NDRG1: variants seen among roughly 807,000 people sequenced by gnomAD.
NDRG1 encodes N-myc downstream regulated 1.
A neutral mutation model predicts 56.9 loss-of-function variants in NDRG1; 32 were observed. That is an observed-to-expected ratio of 0.56 (90% CI 0.42 to 0.76). NDRG1 has a LOEUF of 0.76. Among genes scored for constraint, NDRG1 ranks in the 30% least tolerant of loss-of-function variants. The pLI is 0.00. For synonymous variants in NDRG1, 211 were observed against 204.1 expected, an observed-to-expected ratio of 1.03 and a Z score of -0.29; for missense variants, 507 against 545.7, an observed-to-expected ratio of 0.93 and a Z score of 0.71.
rs368561195 is a variant in NDRG1, at chr8:133,259,215, G to A, written c.342C>T (p.Ser114=). 6 of 1,614,068 alleles carry A rather than the reference G, an allele frequency of 3.7e-6. No individual in the cohort carries two copies. The African/African-American group carries it at 6.7e-5, about 18-fold the overall frequency. The change falls in exon 6 of 16, where the codon TCC becomes TCT. Residue 114 remains serine, a synonymous_variant. Coordinates refer to ENST00000323851, the MANE Select transcript of NDRG1 (RefSeq NM_006096.4). ...ASFPAGYMYP[S]MDQLAEMLPG... ...GAAGCATTTCAGCCAGCTGATCCAT[G>A]GAGGGGTACATGTACCTGGGGATGA...
At chr8:133,239,221 A>G in intron 15 of NDRG1, 102 bp from the exon 16 acceptor site, 2 of 1,518,952 alleles carry the variant, frequency 1.3e-6, no homozygotes, top group Non-Finnish European at 1.8e-6. Context: ...TGCCAGCCCC[A>G]GAGAAGACTT....
chr8:133,290,772 C>T (rs1193606123), intron 1 of NDRG1, among the ~76,000 whole-genome samples: 1 of 152,170 alleles, frequency 6.6e-6, no homozygotes, highest in Non-Finnish European at 1.5e-5. Context: ...CTTCACAACA[C>T]CCAGAAGGTT....
intron 1 of NDRG1, among the ~76,000 whole-genome samples, chr8:133,294,594 A>G (rs1858627111): frequency 1.3e-5 from 2 of 151,876 alleles, no homozygotes; most frequent in Admixed American, 6.6e-5. Flanking sequence ...CAGGTCCATG[A>G]GGAGGCAAGT....
chr8:133,282,511 A>T (rs946808136), intron 2 of NDRG1, among the ~76,000 whole-genome samples: 2 of 152,220 alleles, frequency 1.3e-5, no homozygotes, highest in Non-Finnish European at 2.9e-5. Flanking sequence ...AGGGTTTTTT[A>T]AAAGGGAGAA....
rs2130656881 is a variant in NDRG1 at position 133,239,139 on chromosome 8, C to A, written c.944-20G>T. Reference sequence around the variant, plus strand: ...AGGGCACTAGGGGAACAAGAGACAGCCGGTTAGAGGGCAGGAGACTGCCAG... The same window carrying A: ...AGGGCACTAGGGGAACAAGAGACAGACGGTTAGAGGGCAGGAGACTGCCAG... On this transcript the variant is annotated intron_variant, in intron 15 of 15. Transcript: ENST00000323851. The A allele has an allele frequency of 6.4e-6, 10 of 1,551,306 alleles. No individual in the cohort carries two copies. The highest frequency in any genetic ancestry group is 4.4e-6 in the Non-Finnish European group (5 of 1,147,218).
Position 133,246,672 on chromosome 8 carries a change from G to A in NDRG1, c.808-9C>T. On this transcript the variant is annotated splice_polypyrimidine_tract_variant and intron_variant, in intron 12 of 15. Transcript: ENST00000323851. Reference sequence around the variant, plus strand: ...TTTGAGTTGCACTCCACCTGCACAAGAGGGAGGAAATCTGTTAATTTTCTA... The same window carrying A: ...TTTGAGTTGCACTCCACCTGCACAAAAGGGAGGAAATCTGTTAATTTTCTA... 6.2e-7 allele frequency: 1 copy of A among 1,614,064 alleles called. No individual in the cohort carries two copies. Among genetic ancestry groups the A allele is most frequent in the Non-Finnish European group, 8.5e-7 (1 of 1,179,928 alleles).
chr8:133,288,712 G>A lies in NDRG1; in HGVS notation c.-18-4383C>T, dbSNP rs575823172. ...AAGGCAGGGCCACACACAGCATGGCGGGGGAACCAGGGCTGACTCCTAGCC... is the reference window on the plus strand; with the variant it reads ...AAGGCAGGGCCACACACAGCATGGCAGGGGAACCAGGGCTGACTCCTAGCC... On this transcript the variant is annotated intron_variant, in intron 1 of 15. Transcript: ENST00000323851. 6.6e-5 allele frequency among the ~76,000 whole-genome samples: 10 copies of A among 152,322 alleles called. No individual in the cohort carries two copies. The South Asian group carries it at 8.3e-4, about 13-fold the overall frequency.
At chr8:133,252,089 T>C (rs1161233475) in intron 9 of NDRG1, among the ~76,000 whole-genome samples, 1 of 152,112 alleles carries the variant, frequency 6.6e-6, no homozygotes, top group Non-Finnish European at 1.5e-5. Context: ...GAATACACTT[T>C]TGTTTTCCTT....
At chr8:133,248,811 C>A in intron 10 of NDRG1, 40 bp from the exon 11 acceptor site, 3 of 1,612,992 alleles carry the variant, frequency 1.9e-6, no homozygotes, top group Non-Finnish European at 2.5e-6. Flanking sequence ...AGGACCCCTC[C>A]CCTGGAGAAA....
intron 4 of NDRG1, among the ~76,000 whole-genome samples, chr8:133,263,212 C>A (rs1053778082): frequency 6.6e-6 from 1 of 152,114 alleles, no homozygotes; most frequent in African/African-American, 2.4e-5. Context: ...GGGAAACAGA[C>A]AGGGGAAGAA....
intron 8 of NDRG1, chr8:133,255,199 T>C: frequency 2.3e-6 from 1 of 436,194 alleles, no homozygotes; most frequent in Middle Eastern, 3.5e-4. Flanking sequence ...AGAGAAGCTC[T>C]AGACCTAAGG....
chr8:133,289,493 G>A (rs975010050), intron 1 of NDRG1, among the ~76,000 whole-genome samples: 3 of 152,108 alleles, frequency 2.0e-5, no homozygotes, highest in South Asian at 2.1e-4. Flanking sequence ...CAGGCCCAGT[G>A]CGTCACCACT....
chr8:133,263,966 T>G (rs996705538), intron 4 of NDRG1, among the ~76,000 whole-genome samples: 3 of 146,760 alleles, frequency 2.0e-5, no homozygotes, highest in East Asian at 4.0e-4. Flanking sequence ...ACGAATAAAG[T>G]GTGGTAAATC....
At chr8:133,244,419 A>G in intron 13 of NDRG1, 29 bp from the exon 14 acceptor site, 2 of 1,614,170 alleles carry the variant, frequency 1.2e-6, no homozygotes, top group South Asian at 2.2e-5. Flanking sequence ...CGTTAGTGCC[A>G]AACACCACAG....
chr8:133,266,992 G>A (rs942716555), intron 3 of NDRG1, among the ~76,000 whole-genome samples: 37 of 152,232 alleles, frequency 2.4e-4, no homozygotes, highest in African/African-American at 8.7e-4. Context: ...CCCCCGCAGC[G>A]TATGAAAGCT....
At chr8:133,244,972 G>C (rs149416854) in intron 13 of NDRG1, among the ~76,000 whole-genome samples, 2 of 152,162 alleles carry the variant, frequency 1.3e-5, no homozygotes, top group Non-Finnish European at 1.5e-5. Context: ...CAGCGCTGAC[G>C]GCAAGGGAGC....
chr8:133,262,011 C>T, intron 5 of NDRG1, 36 bp downstream of exon 5: 19 of 1,550,824 alleles, frequency 1.2e-5, no homozygotes, highest in Non-Finnish European at 1.6e-5. Context: ...ACCCAGTTTC[C>T]ACCCTGTAGA....
chr8:133,294,060 A>C (rs1858590876), intron 1 of NDRG1, among the ~76,000 whole-genome samples: 3 of 152,298 alleles, frequency 2.0e-5, no homozygotes, highest in Non-Finnish European at 4.4e-5. Context: ...ATTAATATTT[A>C]CACATTCTGA....
intron 8 of NDRG1, 109 bp downstream of exon 8, chr8:133,256,668 A>G: frequency 1.0e-6 from 1 of 989,002 alleles, no homozygotes; most frequent in East Asian, 2.6e-5. Context: ...GTAGTGGAGG[A>G]GTGGGTAAAG....
Sources: allele counts gnomAD v4.1 joint callset (sites outside exome capture counted in the v4.1 genomes callset), GRCh38; gene constraint gnomAD v4.1.1; transcripts MANE v1.5; gene names NCBI Gene and HGNC (gene_info 2026-07-23, HGNC 2026-07-21).